Variants in RGS5 observed in about 807,000 individuals in gnomAD.
RGS5 encodes the protein regulator of G-protein signalling 5.
A neutral mutation model predicts 18.9 loss-of-function variants in RGS5; 20 were observed. That is an observed-to-expected ratio of 1.06 (90% CI 0.74 to 1.54). RGS5 has a LOEUF of 1.54. RGS5 is among the 40% of genes most tolerant of loss of function. RGS5 has a pLI of 0.00. For synonymous variants in RGS5, 57 were observed against 76.2 expected, an observed-to-expected ratio of 0.75 and a Z score of 1.31; for missense variants, 201 against 211.8, an observed-to-expected ratio of 0.95 and a Z score of 0.32.
Position 163,161,890 on chromosome 1 carries a change from A to T in RGS5, c.217+25T>A, listed in dbSNP as rs765300256. 4.4e-6 allele frequency: 7 copies of T among 1,597,738 alleles called. No homozygotes were observed. The African/African-American group carries it at 6.7e-5, about 15-fold the overall frequency. Reference sequence around the variant, plus strand: ...TCTGTCTCTAACCTGACCTTTATTTAAAAAAACAAACAATGGAAACTTACA... The same window carrying T: ...TCTGTCTCTAACCTGACCTTTATTTTAAAAAACAAACAATGGAAACTTACA... On this transcript the variant is annotated intron_variant, in intron 3 of 4. Transcript: ENST00000313961.
Position 163,145,981 on chromosome 1 carries a change from A to T in RGS5, c.*1361T>A, listed in dbSNP as rs1443423437. ...ATCCTCATCTCGATTACCCTCATACATGGCTTAGTTTGATTCTGTTACTAA... is the reference window on the plus strand; with the variant it reads ...ATCCTCATCTCGATTACCCTCATACTTGGCTTAGTTTGATTCTGTTACTAA... On this transcript the variant is annotated 3_prime_UTR_variant, in exon 5 of 5. Transcript: ENST00000313961. 1 of 152,196 alleles carries T rather than the reference A, an allele frequency of 6.6e-6. No individual in the cohort carries two copies. The highest frequency in any genetic ancestry group is 1.5e-5 in the Non-Finnish European group (1 of 68,028). The allele number at this position is 152,196 out of a possible 1,614,324, so 9.4% of individuals were successfully genotyped here.
chr1:163,186,341 T>C (rs1659075008), intron 1 of RGS5, among the ~76,000 whole-genome samples: 1 of 151,992 alleles, frequency 6.6e-6, no homozygotes, highest in African/African-American at 2.4e-5. Context: ...AGTGCTGGTA[T>C]TACAGGCATG....
intron 1 of RGS5, among the ~76,000 whole-genome samples, chr1:163,186,804 T>A (rs1310508105): frequency 6.6e-6 from 1 of 152,112 alleles, no homozygotes; most frequent in East Asian, 1.9e-4. Context: ...AAGGAATTGG[T>A]CCGTTACCCT....
At chr1:163,161,675 A>G (rs1657802857) in intron 3 of RGS5, 2 of 432,152 alleles carry the variant, frequency 4.6e-6, no homozygotes, top group Non-Finnish European at 8.6e-6. Context: ...ATGGGAACAC[A>G]ACTGCAATCA....
intron 2 of RGS5, among the ~76,000 whole-genome samples, chr1:163,166,937 T>C (rs1004198010): frequency 6.6e-6 from 1 of 152,238 alleles, no homozygotes; most frequent in African/African-American, 2.4e-5. Flanking sequence ...GTTGCTGCTA[T>C]GAAATGTGGT....
upstream of RGS5, among the ~76,000 whole-genome samples, chr1:163,221,226 G>A (rs1027329561): frequency 2.6e-5 from 4 of 152,110 alleles, no homozygotes; most frequent in South Asian, 2.1e-4. Flanking sequence ...GACCGGGCGC[G>A]GTGGCTCATT....
Position 163,145,635 on chromosome 1 carries a change from C to T in RGS5, c.*1707G>A, listed in dbSNP as rs1657102255. 6.6e-6 allele frequency: 1 copy of T among 152,138 alleles called. No individual in the cohort carries two copies. Among genetic ancestry groups the T allele is most frequent in the Admixed American group, 6.6e-5 (1 of 15,262 alleles). 9.4% of individuals were successfully genotyped at this position (152,138 alleles called of 1,614,324 possible). A position where few individuals can be genotyped will look rare whatever the true frequency, so the allele number is the denominator to read the frequency against. On this transcript the variant is annotated 3_prime_UTR_variant, in exon 5 of 5. Transcript: ENST00000313961. ...ACACCACTAGCAATTGTTGGCAGAA[C>T]ACCCAACCACTCTACCCAGTTTCAG...
At chr1:163,186,318 C>T (rs1331950894) in intron 1 of RGS5, among the ~76,000 whole-genome samples, 1 of 152,018 alleles carries the variant, frequency 6.6e-6, no homozygotes, top group Admixed American at 6.5e-5. Context: ...ATCTGCCCAC[C>T]TCGGCCTCCC....
upstream of RGS5, among the ~76,000 whole-genome samples, chr1:163,220,273 G>A (rs1019015665): frequency 6.6e-6 from 1 of 151,936 alleles, no homozygotes; most frequent in Non-Finnish European, 1.5e-5. Flanking sequence ...TGAGTTGTAG[G>A]AGTTCTTTTC....
At chr1:163,208,181 T>C (rs965568149) in intron 1 of RGS5, among the ~76,000 whole-genome samples, 5 of 151,236 alleles carry the variant, frequency 3.3e-5, no homozygotes, top group African/African-American at 4.9e-5. Context: ...ACCCCGTCTC[T>C]ACTAAAAATA....
chr1:163,204,722 T>A (rs1000392417), upstream of RGS5, among the ~76,000 whole-genome samples: 4 of 152,284 alleles, frequency 2.6e-5, no homozygotes, highest in South Asian at 4.1e-4. Context: ...AATCAATTAA[T>A]TATCATTTTT....
intron 2 of RGS5, among the ~76,000 whole-genome samples, chr1:163,268,837 T>C (rs1158987058): frequency 9.9e-5 from 15 of 152,164 alleles, no homozygotes; most frequent in Admixed American, 9.8e-4. Flanking sequence ...CTGCATGGCA[T>C]GGTGTATCTC....
upstream of RGS5, among the ~76,000 whole-genome samples, chr1:163,218,370 T>C (rs1660263658): frequency 6.6e-6 from 1 of 152,200 alleles, no homozygotes; most frequent in Non-Finnish European, 1.5e-5. Flanking sequence ...TGTATCACAT[T>C]ATAGTTGTTA....
chr1:163,263,725 T>C (rs1420869200), intron 2 of RGS5, among the ~76,000 whole-genome samples: 1 of 152,044 alleles, frequency 6.6e-6, no homozygotes, highest in Non-Finnish European at 1.5e-5. Flanking sequence ...CCCAGAAAGA[T>C]TTGGTGTTTT....
rs1431584230 is a variant in RGS5, at chr1:163,151,737, G to T, written c.384+813C>A. ...TCTCCCCATCCATGCGGAACTGTGA[G>T]TCAATTAAACCTCTTTCCTTTATAA... On this transcript the variant is annotated intron_variant, in intron 4 of 4. Coordinates refer to ENST00000313961, the MANE Select transcript of RGS5 (RefSeq NM_003617.4). Among the ~76,000 whole-genome samples, 6 of 152,320 alleles carry T rather than the reference G, an allele frequency of 3.9e-5. No individual in the cohort carries two copies. The South Asian group carries it at 8.3e-4, about 21-fold the overall frequency.
chr1:163,182,133 A>G (rs1424447500), intron 1 of RGS5, among the ~76,000 whole-genome samples: 1 of 152,138 alleles, frequency 6.6e-6, no homozygotes, highest in East Asian at 1.9e-4. Flanking sequence ...GTGTTGATTA[A>G]TAATATGTTA....
chr1:163,207,939 C>A (rs1483684156), intron 1 of RGS5, among the ~76,000 whole-genome samples: 1 of 151,892 alleles, frequency 6.6e-6, no homozygotes, highest in Non-Finnish European at 1.5e-5. Context: ...ATAAACAGTT[C>A]ATAGAGAGTG....
At chr1:163,271,162 A>C (rs910546315) in intron 2 of RGS5, among the ~76,000 whole-genome samples, 5 of 152,248 alleles carry the variant, frequency 3.3e-5, no homozygotes, top group African/African-American at 1.2e-4. Context: ...ATTTGCCTTT[A>C]CTGGCCATTT....
At chr1:163,157,520 A>G (rs1657632065) in intron 3 of RGS5, among the ~76,000 whole-genome samples, 1 of 152,198 alleles carries the variant, frequency 6.6e-6, no homozygotes, top group South Asian at 2.1e-4. Flanking sequence ...GCTTGGTACC[A>G]ATTAACTTCA....
Sources: gnomAD v4.1 joint callset for allele counts (sites outside exome capture counted in the v4.1 genomes callset) on GRCh38, gnomAD v4.1.1 for gene constraint, MANE v1.5 for transcripts, NCBI Gene and HGNC (gene_info 2026-07-23, HGNC 2026-07-21) for gene names.